Variants in FOXP1 observed in about 807,000 individuals in gnomAD.
FOXP1 encodes forkhead box P1.
A neutral mutation model predicts 98.2 loss-of-function variants in FOXP1; 15 were observed. That is an observed-to-expected ratio of 0.15 (90% CI 0.10 to 0.24). The LOEUF is 0.24. Ranked by LOEUF, FOXP1 falls within the 10% of genes least tolerant of loss-of-function variation. FOXP1 has a pLI of 1.00. For missense variants in FOXP1, 633 were observed against 848.5 expected (o/e 0.75, Z 3.15); for synonymous variants, 371 against 314.5 (o/e 1.18, Z -1.90).
intron 3 of FOXP1, among the ~76,000 whole-genome samples, chr3:71,438,677 G>A (rs545590351): frequency 6.6e-6 from 1 of 151,774 alleles, no homozygotes; most frequent in South Asian, 2.1e-4. Context: ...CTCATCACAA[G>A]GCTTGGTAGG....
chr3:71,339,791 A>T (rs1359993859), intron 4 of FOXP1, among the ~76,000 whole-genome samples: 6 of 152,176 alleles, frequency 3.9e-5, no homozygotes. Context: ...AAAGACGATA[A>T]TTCCTCTCTG....
chr3:71,112,046 A>G (rs1314253245), intron 7 of FOXP1, among the ~76,000 whole-genome samples: 1 of 130,148 alleles, frequency 7.7e-6, no homozygotes, highest in East Asian at 2.5e-4. Context: ...GATGCCAGCA[A>G]CACCTCTGCC....
chr3:71,221,457 C>A (rs559730030), intron 5 of FOXP1, among the ~76,000 whole-genome samples: 1 of 152,216 alleles, frequency 6.6e-6, no homozygotes, highest in African/African-American at 2.4e-5. Flanking sequence ...ACGAAGATGG[C>A]GAAGCAAAAG....
chr3:71,095,682 C>T (rs912806256), intron 7 of FOXP1, among the ~76,000 whole-genome samples: 1 of 152,098 alleles, frequency 6.6e-6, no homozygotes, highest in Non-Finnish European at 1.5e-5. Flanking sequence ...CCAGGTGTGA[C>T]ACTGAGACAT....
intron 5 of FOXP1, among the ~76,000 whole-genome samples, chr3:71,208,851 T>G (rs888774629): frequency 6.6e-6 from 1 of 152,072 alleles, no homozygotes; most frequent in East Asian, 1.9e-4. Flanking sequence ...AGTAAACAGC[T>G]GGGAAGAAGG....
At chr3:71,469,882 C>T (rs28581684) in intron 3 of FOXP1, among the ~76,000 whole-genome samples, 6,096 of 152,098 alleles carry the variant, frequency 0.04, 390 homozygotes, top group African/African-American at 0.14. Context: ...TGGTCTTATG[C>T]CTATAGATAA....
At chr3:71,472,193 G>A (rs1212928120) in intron 3 of FOXP1, among the ~76,000 whole-genome samples, 2 of 151,970 alleles carry the variant, frequency 1.3e-5, no homozygotes, top group African/African-American at 4.8e-5. Flanking sequence ...TTTTTGTCAG[G>A]GTGTTTGTTT....
chr3:70,959,122 A>C lies in FOXP1; in HGVS notation c.*125T>G, dbSNP rs2032561673. The C allele has an allele frequency of 8.9e-7, 1 of 1,129,144 alleles. No homozygotes were observed. Among genetic ancestry groups the C allele is most frequent in the African/African-American group, 1.5e-5 (1 of 64,816 alleles). 69.9% of individuals were successfully genotyped at this position (1,129,144 alleles called of 1,614,324 possible). On this transcript the variant is annotated 3_prime_UTR_variant, in exon 21 of 21. Coordinates refer to ENST00000649528, the MANE Select transcript of FOXP1 (RefSeq NM_001349338.3). Reference sequence around the variant, plus strand: ...AGAGTTAACACATTTCAGAGTTGTCAAAACGTAGTGAAAATCCTCCAGACT... The same window carrying C: ...AGAGTTAACACATTTCAGAGTTGTCCAAACGTAGTGAAAATCCTCCAGACT...
At chr3:71,264,944 G>C (rs1360775044) in intron 5 of FOXP1, among the ~76,000 whole-genome samples, 2 of 152,174 alleles carry the variant, frequency 1.3e-5, no homozygotes, top group Non-Finnish European at 2.9e-5. Context: ...ACAGAGGTCA[G>C]GCAGCTTGCA....
intron 2 of FOXP1, among the ~76,000 whole-genome samples, chr3:71,576,836 G>C (rs761256427): frequency 9.2e-5 from 14 of 152,156 alleles, no homozygotes; most frequent in Non-Finnish European, 1.8e-4. Flanking sequence ...TCAGGTACTA[G>C]GTAGGTTCTC....
intron 7 of FOXP1, among the ~76,000 whole-genome samples, chr3:71,058,912 A>C (rs570206090): frequency 6.6e-6 from 1 of 151,964 alleles, no homozygotes; most frequent in African/African-American, 2.4e-5. Flanking sequence ...AAAGCATGCT[A>C]TTTATGTGGA....
chr3:71,464,386 C>A (rs748431214), intron 3 of FOXP1, among the ~76,000 whole-genome samples: 1 of 152,204 alleles, frequency 6.6e-6, no homozygotes, highest in Non-Finnish European at 1.5e-5. Flanking sequence ...CGGCTCACTG[C>A]CAAAGTCAGC....
chr3:71,408,373 T>A (rs1200082151), intron 3 of FOXP1, among the ~76,000 whole-genome samples: 3 of 152,180 alleles, frequency 2.0e-5, no homozygotes, highest in African/African-American at 7.2e-5. Context: ...AAAATAATTT[T>A]AAAGAAAGCC....
intron 18 of FOXP1, chr3:70,972,077 C>T (rs987339212): frequency 9.9e-6 from 15 of 1,518,340 alleles, no homozygotes; most frequent in Admixed American, 4.2e-5. Context: ...TTGAATATGG[C>T]GGCCACGTTT....
intron 4 of FOXP1, among the ~76,000 whole-genome samples, chr3:71,314,450 C>T (rs944500691): frequency 6.6e-6 from 1 of 151,744 alleles, no homozygotes; most frequent in Non-Finnish European, 1.5e-5. Context: ...ATCACTTGAA[C>T]CCGGGAGGTG....
At chr3:71,529,151 T>A (rs1248544663) in intron 2 of FOXP1, among the ~76,000 whole-genome samples, 1 of 152,232 alleles carries the variant, frequency 6.6e-6, no homozygotes, top group Non-Finnish European at 1.5e-5. Flanking sequence ...AGCACACTCC[T>A]GCCCATTGAT....
intron 3 of FOXP1, among the ~76,000 whole-genome samples, chr3:71,405,471 T>C (rs1246907578): frequency 6.6e-6 from 1 of 152,148 alleles, no homozygotes; most frequent in East Asian, 1.9e-4. Context: ...GTTCACAGTA[T>C]TACCAGTTTG....
At chr3:71,559,539 T>C (rs1402129059) in intron 2 of FOXP1, among the ~76,000 whole-genome samples, 1 of 152,166 alleles carries the variant, frequency 6.6e-6, no homozygotes, top group Non-Finnish European at 1.5e-5. Context: ...GTTGGAAGGC[T>C]GTTACGTTAC....
intron 6 of FOXP1, among the ~76,000 whole-genome samples, chr3:71,145,890 G>A (rs1182693832): frequency 6.6e-6 from 1 of 152,128 alleles, no homozygotes; most frequent in Non-Finnish European, 1.5e-5. Context: ...TTCTGTACAC[G>A]AGTCCCTTGC....
Sources: allele counts gnomAD v4.1 joint callset (sites outside exome capture counted in the v4.1 genomes callset), GRCh38; gene constraint gnomAD v4.1.1; transcripts MANE v1.5; gene names NCBI Gene and HGNC (gene_info 2026-07-23, HGNC 2026-07-21).